FER1L6: variants seen among roughly 807,000 people sequenced by gnomAD.
FER1L6 encodes the protein fer-1 like family member 6.
In FER1L6, 177 loss-of-function variants were observed where a neutral mutation model predicts 219.2. The observed-to-expected ratio is 0.81, with a 90% CI of 0.71 to 0.91. The LOEUF (loss-of-function observed/expected upper bound fraction) is 0.91. Ranked by LOEUF, FER1L6 falls within the 40% of genes least tolerant of loss-of-function variation. The pLI is 0.00. For missense variants in FER1L6, 2,153 were observed against 2,259.9 expected (o/e 0.95, Z 0.96); for synonymous variants, 768 against 824.3 (o/e 0.93, Z 1.17).
At chr8:123,874,620 C>A (rs1426647345) in intron 1 of FER1L6, among the ~76,000 whole-genome samples, 1 of 152,200 alleles carries the variant, frequency 6.6e-6, no homozygotes, top group Non-Finnish European at 1.5e-5. Flanking sequence ...ATCATACACT[C>A]TTCTTTCTAT....
intron 33 of FER1L6, among the ~76,000 whole-genome samples, chr8:124,087,228 G>A (rs187674595): frequency 8.8e-4 from 133 of 151,926 alleles, no homozygotes; most frequent in African/African-American, 3.0e-3. Flanking sequence ...TTTGCCTCTT[G>A]GAGGCTGTTT....
intron 7 of FER1L6, among the ~76,000 whole-genome samples, chr8:123,973,830 C>T (rs569190377): frequency 6.6e-6 from 1 of 152,290 alleles, no homozygotes; most frequent in South Asian, 2.1e-4. Flanking sequence ...TCGAATCCCA[C>T]TCTATGTCCT....
intron 22 of FER1L6, among the ~76,000 whole-genome samples, chr8:124,051,573 G>A (rs1820030290): frequency 6.6e-6 from 1 of 152,306 alleles, no homozygotes; most frequent in Admixed American, 6.5e-5. Context: ...TGAAAATGAT[G>A]CCTTAGAATA....
rs762617593 is a variant in FER1L6 at position 124,003,362 on chromosome 8, C to T, written c.1700+15C>T. On this transcript the variant is annotated intron_variant, in intron 13 of 40. Coordinates refer to ENST00000522917, the MANE Select transcript of FER1L6 (RefSeq NM_001039112.2). ...GAAGGGAACAGGTAGGAGACATAGC[C>T]TGGGAGAACAGTCAAGGATTTTGCT... The T allele has an allele frequency of 1.3e-6, 2 of 1,595,176 alleles. No individual in the cohort carries two copies. The highest frequency in any genetic ancestry group is 2.2e-5 in the South Asian group (2 of 88,994).
At chr8:124,049,978 T>A (rs1489619080) in intron 22 of FER1L6, among the ~76,000 whole-genome samples, 1 of 152,210 alleles carries the variant, frequency 6.6e-6, no homozygotes, top group East Asian at 1.9e-4. Flanking sequence ...GATGAAATAT[T>A]CTTGCGGGTT....
rs1816822565 is a variant in FER1L6, at chr8:123,865,627, A to C, written c.-8+13442A>C. Among the ~76,000 whole-genome samples, 3 of 151,352 alleles carry C rather than the reference A, an allele frequency of 2.0e-5. No individual in the cohort carries two copies. In the South Asian group the frequency reaches 6.2e-4, roughly 31 times the overall value. On this transcript the variant is annotated intron_variant, in intron 1 of 40. Transcript: ENST00000522917. ...ATCTCAGACCGCTGTGCTAGCAATC[A>C]GCGAGATTCCGTGGGCGTAGGACCC...
chr8:124,114,267 A>T (rs1823141070), intron 39 of FER1L6, among the ~76,000 whole-genome samples: 1 of 152,130 alleles, frequency 6.6e-6, no homozygotes, highest in African/African-American at 2.4e-5. Flanking sequence ...TATATCACTT[A>T]ATAACCAAAT....
intron 33 of FER1L6, among the ~76,000 whole-genome samples, chr8:124,090,119 C>T (rs1186631963): frequency 6.6e-6 from 1 of 152,192 alleles, no homozygotes; most frequent in Non-Finnish European, 1.5e-5. Context: ...ACTTTTAATA[C>T]ATATGTCACA....
chr8:123,859,283 G>A (rs1042458983), intron 1 of FER1L6, among the ~76,000 whole-genome samples: 2 of 152,218 alleles, frequency 1.3e-5, no homozygotes, highest in Admixed American at 6.5e-5. Flanking sequence ...TTACAGGCAT[G>A]AGCCACCATG....
intron 1 of FER1L6, among the ~76,000 whole-genome samples, chr8:123,942,660 CTG>C (rs1814288536): frequency 6.6e-6 from 1 of 152,246 alleles, no homozygotes; most frequent in Non-Finnish European, 1.5e-5. Context: ...GTCTTCCTCT[CTG>C]TGTCTTCTCC....
Position 124,070,506 on chromosome 8 carries a change from G to A in FER1L6, c.3874G>A (p.Glu1292Lys). 1 of 1,613,672 alleles carries A rather than the reference G, an allele frequency of 6.2e-7. No homozygotes were observed. Among genetic ancestry groups the A allele is most frequent in the Non-Finnish European group, 8.5e-7 (1 of 1,179,766 alleles). Residue 1292 changes from glutamate (E) to lysine (K), a missense_variant, in exon 30 of 41, where the codon GAA becomes AAA. Glu to Lys is a moderately conservative substitution (Grantham distance 56, BLOSUM62 1). Coordinates refer to ENST00000522917, the MANE Select transcript of FER1L6 (RefSeq NM_001039112.2). The stretch of plus-strand genomic sequence containing the variant: ...TCTCGAGAGTGAATTCAACAATTTT[G>A]AAGACTGGGTGAAAACTTTTGAGCT... ...GDLESEFNNFEDWVKTFELFR... is the reference protein window; with the variant it reads ...GDLESEFNNFKDWVKTFELFR...
intron 1 of FER1L6, among the ~76,000 whole-genome samples, chr8:123,899,409 T>G (rs1812819740): frequency 6.6e-6 from 1 of 152,170 alleles, no homozygotes; most frequent in Non-Finnish European, 1.5e-5. Flanking sequence ...CTGGATATTA[T>G]TAGTCCTTTG....
chr8:124,023,359 T>G (rs878979529), intron 17 of FER1L6, 85 bp from the exon 18 acceptor site: 3 of 1,330,020 alleles, frequency 2.3e-6, no homozygotes, highest in East Asian at 2.3e-5. Context: ...TATTTCAGGA[T>G]AGCAGAACTC....
intron 20 of FER1L6, among the ~76,000 whole-genome samples, chr8:124,042,558 C>A (rs1453279115): frequency 6.6e-6 from 1 of 152,204 alleles, no homozygotes; most frequent in Non-Finnish European, 1.5e-5. Flanking sequence ...TTTGCTTAAC[C>A]ACTCCACTTC....
At chr8:123,899,600 G>T (rs1193444236) in intron 1 of FER1L6, among the ~76,000 whole-genome samples, 1 of 152,166 alleles carries the variant, frequency 6.6e-6, no homozygotes, top group African/African-American at 2.4e-5. Flanking sequence ...CCAATGTCCA[G>T]AAGAGTTTTT....
At chr8:123,942,526 A>C (rs1173430817) in intron 1 of FER1L6, among the ~76,000 whole-genome samples, 2 of 152,182 alleles carry the variant, frequency 1.3e-5, no homozygotes, top group African/African-American at 2.4e-5. Flanking sequence ...TGAAGTCAAA[A>C]ATGTTGGCAG....
At chr8:124,072,603 G>T (rs559218641) in intron 31 of FER1L6, among the ~76,000 whole-genome samples, 26 of 152,254 alleles carry the variant, frequency 1.7e-4, no homozygotes, top group Admixed American at 1.6e-3. Context: ...TGCTAAGGGA[G>T]AAATAAATAT....
In FER1L6 at chr8:123,978,843, C is replaced by T. The variant is rs188159943; in HGVS notation, c.1063+1234C>T. Among the ~76,000 whole-genome samples, 104 of 152,250 alleles carry T rather than the reference C, an allele frequency of 6.8e-4. 2 individuals carry two copies. Among genetic ancestry groups the T allele is most frequent in the South Asian group, 5.0e-3 (24 of 4,816 alleles). Reference sequence around the variant, plus strand: ...AGTAAATAAATACCTTTGTCTAAATCTTTACATTATGGAAGTGTTTGCCAC... The same window carrying T: ...AGTAAATAAATACCTTTGTCTAAATTTTTACATTATGGAAGTGTTTGCCAC... On this transcript the variant is annotated intron_variant, in intron 10 of 40. Coordinates refer to ENST00000522917, the MANE Select transcript of FER1L6 (RefSeq NM_001039112.2).
chr8:124,106,944 CTTTTT>C (rs10561745), intron 39 of FER1L6, among the ~76,000 whole-genome samples: 15 of 127,780 alleles, frequency 1.2e-4, no homozygotes, highest in Non-Finnish European at 1.9e-4. Context: ...ATAAGGTTTT[CTTTTT>C]TTTTTTTTTT....
Sources: allele counts gnomAD v4.1 joint callset (sites outside exome capture counted in the v4.1 genomes callset), GRCh38; gene constraint gnomAD v4.1.1; transcripts MANE v1.5; gene names NCBI Gene and HGNC (gene_info 2026-07-23, HGNC 2026-07-21).